The following PIP5K1C variants were observed in gnomAD, a reference collection of about 807,000 sequenced individuals.
The protein encoded by PIP5K1C is phosphatidylinositol-4-phosphate 5-kinase type 1 gamma.
In PIP5K1C, 45 loss-of-function variants were observed where a neutral mutation model predicts 80.1. That is an observed-to-expected ratio of 0.56 (90% CI 0.44 to 0.72). The LOEUF (loss-of-function observed/expected upper bound fraction) is 0.72, where lower values mean the gene tolerates loss of function less well. Among genes scored for constraint, PIP5K1C ranks in the 30% least tolerant of loss-of-function variants. PIP5K1C has a pLI of 0.00. For synonymous variants in PIP5K1C, 498 were observed against 420.1 expected (o/e 1.19, Z -2.27); for missense variants, 753 against 954.6 (o/e 0.79, Z 2.78).
At chr19:3,694,592 C>G (rs531877373) in intron 1 of PIP5K1C, among the ~76,000 whole-genome samples, 183 of 152,360 alleles carry the variant, frequency 1.2e-3, no homozygotes, top group Non-Finnish European at 2.1e-3. Context: ...GAATCGGGCT[C>G]GCCGCCCCAC....
chr19:3,647,297 A>G (rs2034271839), intron 10 of PIP5K1C, 41 bp downstream of exon 10: 1 of 1,483,632 alleles, frequency 6.7e-7, no homozygotes, highest in Non-Finnish European at 9.1e-7. Context: ...CAGGAGGAGG[A>G]GGGATGGGAG....
At position 3,638,962 on chromosome 19, in the gene PIP5K1C, G is replaced by T; in HGVS notation, c.1842C>A (p.Ser614Arg). 1 of 1,612,282 alleles carries T rather than the reference G, an allele frequency of 6.2e-7. No homozygotes were observed. Residue 614 changes from serine (S) to arginine (R), a missense_variant, in exon 16 of 18, where the codon AGC becomes AGA. Physicochemically the swap from Ser to Arg is moderately radical, Grantham distance 110. Transcript: ENST00000335312. ...GTGCGCCCTCCTCGTCTGAGGCCTG[G>T]CTGGCAGTTTCTACTTCAACAGCAG... The part of the protein sequence containing the change: ...ASAAVEVETA[S>R]QASDEEGAPA...
chr19:3,693,525 T>C, intron 1 of PIP5K1C, among the ~76,000 whole-genome samples: 1 of 152,332 alleles, frequency 6.6e-6, no homozygotes, highest in Admixed American at 6.5e-5. Context: ...TTGCAGGGTC[T>C]TGACCGGCCT....
At chr19:3,655,321 G>A (rs984237183) in intron 6 of PIP5K1C, among the ~76,000 whole-genome samples, 37 of 151,850 alleles carry the variant, frequency 2.4e-4, no homozygotes, top group African/African-American at 8.5e-4. Context: ...GGGAGGCTGA[G>A]GCAGGAGAAT....
At chr19:3,646,679 A>C (rs1339894971) in intron 10 of PIP5K1C, among the ~76,000 whole-genome samples, 1 of 152,218 alleles carries the variant, frequency 6.6e-6, no homozygotes, top group Non-Finnish European at 1.5e-5. Context: ...AGACATCCCC[A>C]GAGGCCTCTG....
intron 4 of PIP5K1C, among the ~76,000 whole-genome samples, 195 bp from the exon 5 acceptor site, chr19:3,661,278 TTTCA>T (rs754661345): frequency 9.9e-5 from 15 of 151,690 alleles, no homozygotes; most frequent in South Asian, 8.3e-4. Flanking sequence ...CCCTCTCTTC[TTTCA>T]TTAACAACGG....
intron 8 of PIP5K1C, among the ~76,000 whole-genome samples, chr19:3,650,174 C>T (rs2145433206): frequency 1.3e-5 from 2 of 152,322 alleles, no homozygotes; most frequent in South Asian, 4.1e-4. Context: ...AGCTGGTGGC[C>T]TAGTGCCAGC....
intron 4 of PIP5K1C, 92 bp downstream of exon 4, chr19:3,661,779 T>C: frequency 4.0e-6 from 6 of 1,518,330 alleles, no homozygotes; most frequent in Non-Finnish European, 5.4e-6. Flanking sequence ...CAGGTGCTGC[T>C]TTCAGCAGAG....
chr19:3,697,197 A>C (rs762162214), intron 1 of PIP5K1C, among the ~76,000 whole-genome samples: 8 of 151,136 alleles, frequency 5.3e-5, no homozygotes, highest in Non-Finnish European at 1.0e-4. Context: ...GGGAGGACTG[A>C]GCCGGATGGA....
chr19:3,656,343 C>T (rs1599983693), intron 6 of PIP5K1C, 62 bp downstream of exon 6: 2 of 1,596,396 alleles, frequency 1.3e-6, no homozygotes, highest in African/African-American at 1.3e-5. Context: ...ACATCTGCTC[C>T]CGCCAGCCGG....
Position 3,651,851 on chromosome 19 carries a change from C to G in PIP5K1C, c.1102G>C (p.Gly368Arg). The G allele has an allele frequency of 1.2e-6, 2 of 1,612,296 alleles. No individual in the cohort carries two copies. The highest frequency in any genetic ancestry group is 1.1e-5 in the South Asian group (1 of 91,062). Residue 368 changes from glycine (G) to arginine (R), a missense_variant, in exon 8 of 18, where the codon GGG (glycine) becomes CGG (arginine). By Grantham distance (125) the Gly-to-Arg change is moderately radical. This residue lies in a region of PIP5K1C where 114 missense variants were observed against 152.4 expected (regional missense o/e 0.75). Transcript: ENST00000335312. ...MESIQGGAAR[G>R]EAIESDDTMG... ...GTGTCATCCGATTCGATGGCCTCCCCGCGCGCGGCGCCACCCTGGATGGAC... is the reference window on the plus strand; with the variant it reads ...GTGTCATCCGATTCGATGGCCTCCCGGCGCGCGGCGCCACCCTGGATGGAC...
At chr19:3,682,724 A>C (rs73534033) in intron 1 of PIP5K1C, among the ~76,000 whole-genome samples, 3,700 of 152,182 alleles carry the variant, frequency 0.024, 166 homozygotes, top group African/African-American at 0.085. Context: ...AAAGAGCAGA[A>C]GCTCTCTTGG....
intron 1 of PIP5K1C, among the ~76,000 whole-genome samples, chr19:3,693,819 T>G (rs2036019352): frequency 6.6e-6 from 1 of 152,072 alleles, no homozygotes; most frequent in African/African-American, 2.4e-5. Context: ...ACCCCAGCAC[T>G]TTGGGAGGTG....
At chr19:3,680,676 C>G (rs776529073) in intron 1 of PIP5K1C, among the ~76,000 whole-genome samples, 3 of 152,222 alleles carry the variant, frequency 2.0e-5, no homozygotes, top group Non-Finnish European at 2.9e-5. Flanking sequence ...AGACACCCAT[C>G]TATTACTACA....
Position 3,638,957 on chromosome 19 carries a change from G to T in PIP5K1C, c.1847C>A (p.Ala616Asp), listed in dbSNP as rs758938073. Residue 616 changes from alanine (A) to aspartate (D), a missense_variant, in exon 16 of 18, where the codon GCC (alanine) becomes GAC (aspartate). By Grantham distance (126) the Ala-to-Asp change is moderately radical (BLOSUM62 -2). Transcript: ENST00000335312. ...AAVEVETASQ[A>D]SDEEGAPASQ... is the part of the protein sequence containing the mutation. The stretch of plus-strand genomic sequence containing the variant: ...GGCAGGTGCGCCCTCCTCGTCTGAG[G>T]CCTGGCTGGCAGTTTCTACTTCAAC... 2.5e-6 allele frequency: 4 copies of T among 1,612,302 alleles called. No homozygotes were observed. The South Asian group carries it at 3.3e-5, about 13-fold the overall frequency.
At position 3,696,998 on chromosome 19, in the gene PIP5K1C, G is replaced by A. The variant is rs1402339240; in HGVS notation, c.94+3299C>T. On this transcript the variant is annotated intron_variant, in intron 1 of 17. Transcript: ENST00000335312. This position sits in a 1 kb window ranked among gnomAD's most constrained non-coding sequence, Gnocchi z 4.1. ...ACCGAGGAGGACTGAGCTGGACGGA[G>A]GAGGATCGAGCTGGACCGAGGAGGA... Among the ~76,000 whole-genome samples, 1 of 152,240 alleles carries A rather than the reference G, an allele frequency of 6.6e-6. No individual in the cohort carries two copies. Among genetic ancestry groups the A allele is most frequent in the Non-Finnish European group, 1.5e-5 (1 of 68,006 alleles).
rs192463582 is a variant in PIP5K1C, at chr19:3,697,905, C to A, written c.94+2392G>T. ...GCCCCACGGCCACGGCCCATGGAGACGCCATTCAGGCCACGCCTCGGGAGC... is the reference window on the plus strand; with the variant it reads ...GCCCCACGGCCACGGCCCATGGAGAAGCCATTCAGGCCACGCCTCGGGAGC... On this transcript the variant is annotated intron_variant, in intron 1 of 17. Coordinates refer to ENST00000335312, the MANE Select transcript of PIP5K1C (RefSeq NM_012398.3). Among the ~76,000 whole-genome samples the A allele has an allele frequency of 2.6e-5, 4 of 152,236 alleles. No homozygotes were observed. The South Asian group carries it at 8.3e-4, about 31-fold the overall frequency.
intron 6 of PIP5K1C, among the ~76,000 whole-genome samples, chr19:3,654,855 T>A (rs1397892950): frequency 7.1e-6 from 1 of 140,218 alleles, no homozygotes; most frequent in Non-Finnish European, 1.5e-5. Context: ...GTGGCTCACA[T>A]CTATAATCCT....
Position 3,637,805 on chromosome 19 carries a change from C to G in PIP5K1C, c.1920+1079G>C. On this transcript the variant is annotated intron_variant, in intron 16 of 17. Transcript: ENST00000335312. The surrounding 1 kb of genome is among the most constrained non-coding windows in gnomAD (Gnocchi z 7.0). Reference sequence around the variant, plus strand: ...ACCGAGGACCCTTCTCCCTTCTCTGCTGCCCACCTGGCAGGGCATCAGGAC... The same window carrying G: ...ACCGAGGACCCTTCTCCCTTCTCTGGTGCCCACCTGGCAGGGCATCAGGAC... 4 of 1,534,850 alleles carry G rather than the reference C, an allele frequency of 2.6e-6. No homozygotes were observed. Among genetic ancestry groups the G allele is most frequent in the Non-Finnish European group, 3.5e-6 (4 of 1,146,664 alleles).
Sources: allele counts gnomAD v4.1 joint callset (sites outside exome capture counted in the v4.1 genomes callset), GRCh38; gene constraint gnomAD v4.1.1; regional missense constraint gnomAD v4.1.1; non-coding constraint Gnocchi (gnomAD v3.1); transcripts MANE v1.5; gene names NCBI Gene and HGNC (gene_info 2026-07-23, HGNC 2026-07-21).